The following CPE variants were observed in gnomAD, a reference collection of about 807,000 sequenced individuals.
CPE encodes the protein carbocypeptidase E.
A neutral mutation model predicts 53.5 loss-of-function variants in CPE; 17 were observed. That is an observed-to-expected ratio of 0.32 (90% CI 0.22 to 0.48). The LOEUF (loss-of-function observed/expected upper bound fraction) is 0.48, where lower values mean the gene tolerates loss of function less well. Ranked by LOEUF, CPE falls within the 20% of genes least tolerant of loss-of-function variation. CPE has a pLI of 0.99. For missense variants in CPE, 524 were observed against 614.7 expected, an observed-to-expected ratio of 0.85 and a Z score of 1.56; for synonymous variants, 226 against 228.8, an observed-to-expected ratio of 0.99 and a Z score of 0.11.
chr4:165,458,176 C>A (rs1731934761), intron 1 of CPE, among the ~76,000 whole-genome samples: 1 of 152,142 alleles, frequency 6.6e-6, no homozygotes, highest in South Asian at 2.1e-4. Context: ...TTCCAACTTG[C>A]TTGTATAGCA....
Position 165,484,544 on chromosome 4 carries a change from G to C in CPE, c.913G>C (p.Asp305His). 2 of 1,614,144 alleles carry C rather than the reference G, an allele frequency of 1.2e-6. No individual in the cohort carries two copies. Among genetic ancestry groups the C allele is most frequent in the Admixed American group, 1.7e-5 (1 of 60,028 alleles). Residue 305 changes from aspartate to histidine, a missense_variant, in exon 5 of 9, where the codon GAT (aspartate) becomes CAT (histidine). Physicochemically the swap from Asp to His is moderately conservative, Grantham distance 81. Transcript: ENST00000402744. ...TCGGCCACCATGTCGCAAGAATGATGATGACAGCAGCTTTGTAGATGGAAC... is the reference window on the plus strand; with the variant it reads ...TCGGCCACCATGTCGCAAGAATGATCATGACAGCAGCTTTGTAGATGGAAC... Reference protein sequence around the residue: ...PNRPPCRKNDDDSSFVDGTTN... With the variant: ...PNRPPCRKNDHDSSFVDGTTN...
At chr4:165,470,630 C>T (rs1172955286) in intron 3 of CPE, among the ~76,000 whole-genome samples, 2 of 152,102 alleles carry the variant, frequency 1.3e-5, no homozygotes, top group Admixed American at 6.6e-5. Flanking sequence ...GTTTAACAAC[C>T]GCTTGACCAT....
intron 1 of CPE, among the ~76,000 whole-genome samples, chr4:165,406,520 T>G (rs1730957464): frequency 6.6e-6 from 1 of 152,228 alleles, no homozygotes; most frequent in African/African-American, 2.4e-5. Context: ...CTAAAACTTG[T>G]CTCTTTTATT....
intron 1 of CPE, among the ~76,000 whole-genome samples, chr4:165,435,727 A>G (rs116805168): frequency 0.01 from 1,552 of 152,232 alleles, 22 homozygotes; most frequent in African/African-American, 0.035. Context: ...TATTTACTTT[A>G]TGTTTCTTGT....
chr4:165,487,816 G>A (rs35462844), intron 6 of CPE, among the ~76,000 whole-genome samples: 27,328 of 151,872 alleles, frequency 0.18, 2,865 homozygotes, highest in Non-Finnish European at 0.23. Flanking sequence ...GTAGACTCTC[G>A]TTTCTGTTTG....
chr4:165,461,888 T>C (rs1372260244), intron 1 of CPE, among the ~76,000 whole-genome samples: 1 of 152,232 alleles, frequency 6.6e-6, no homozygotes, highest in Non-Finnish European at 1.5e-5. Flanking sequence ...ATCTAAGTTA[T>C]TCCTGAGGAC....
intron 5 of CPE, among the ~76,000 whole-genome samples, chr4:165,485,145 T>C (rs1379134435): frequency 6.6e-6 from 1 of 152,206 alleles, no homozygotes; most frequent in Non-Finnish European, 1.5e-5. Context: ...AAGGAAGCAG[T>C]TGCCATGTGG....
chr4:165,397,963 G>A (rs1730797903), intron 1 of CPE, among the ~76,000 whole-genome samples: 1 of 149,402 alleles, frequency 6.7e-6, no homozygotes, highest in African/African-American at 2.5e-5. Flanking sequence ...GAGGTGGGAG[G>A]ATTGCTTGAG....
intron 1 of CPE, chr4:165,404,366 T>G: frequency 1.3e-6 from 1 of 769,440 alleles, no homozygotes; most frequent in Non-Finnish European, 2.4e-6. Flanking sequence ...GACTTCAGAC[T>G]TAGGAGGCAT....
intron 8 of CPE, among the ~76,000 whole-genome samples, chr4:165,497,067 G>A (rs1253477821): frequency 3.3e-5 from 5 of 151,982 alleles, no homozygotes; most frequent in South Asian, 2.1e-4. Context: ...GGATTACAGC[G>A]TGCGCCACCG....
At chr4:165,491,604 A>G (rs1056351865) in intron 6 of CPE, among the ~76,000 whole-genome samples, 38 of 152,196 alleles carry the variant, frequency 2.5e-4, no homozygotes, top group Non-Finnish European at 5.1e-4. Flanking sequence ...AGAATTGAAT[A>G]AATCTTAAAT....
intron 3 of CPE, among the ~76,000 whole-genome samples, chr4:165,469,234 G>A (rs1205704499): frequency 6.6e-6 from 1 of 152,150 alleles, no homozygotes; most frequent in Non-Finnish European, 1.5e-5. Flanking sequence ...CCATCTTGGA[G>A]GAAAGGTGAA....
At chr4:165,485,659 T>G (rs1732494714) in intron 5 of CPE, among the ~76,000 whole-genome samples, 1 of 152,178 alleles carries the variant, frequency 6.6e-6, no homozygotes, top group African/African-American at 2.4e-5. Context: ...GAATTCCTTT[T>G]TGAACAAATA....
At chr4:165,491,372 C>G (rs1429316432) in intron 6 of CPE, among the ~76,000 whole-genome samples, 2 of 152,170 alleles carry the variant, frequency 1.3e-5, no homozygotes. Flanking sequence ...GGTAAAGCCT[C>G]TTTTATCAGC....
intron 1 of CPE, among the ~76,000 whole-genome samples, chr4:165,440,866 C>T (rs1388627128): frequency 6.9e-6 from 1 of 144,782 alleles, no homozygotes; most frequent in Non-Finnish European, 1.5e-5. Context: ...TGGTGTGCTC[C>T]TTCTTTCATG....
At chr4:165,400,835 C>T (rs973507022) in intron 1 of CPE, among the ~76,000 whole-genome samples, 4 of 152,208 alleles carry the variant, frequency 2.6e-5, no homozygotes, top group African/African-American at 9.7e-5. Context: ...TTACTCTCTT[C>T]ATATGGTTCT....
intron 1 of CPE, among the ~76,000 whole-genome samples, chr4:165,456,739 A>T (rs1306009483): frequency 9.9e-6 from 1 of 101,196 alleles, no homozygotes; most frequent in African/African-American, 4.2e-5. Flanking sequence ...TGCCCAGCTA[A>T]TTTTTTTTTT....
rs576655698 is a variant in CPE, at chr4:165,498,306, T to TAAA, written c.*703_*705dup. Reference sequence around the variant, plus strand: ...AATTGCATTCTGAATGAATAAAGGTTAAAAAAAAATCCCCAGTGCATGTAT... The same window carrying TAAA: ...AATTGCATTCTGAATGAATAAAGGTTAAAAAAAAAAAATCCCCAGTGCATGTAT... On this transcript the variant is annotated 3_prime_UTR_variant, in exon 9 of 9. Coordinates refer to ENST00000402744, the MANE Select transcript of CPE (RefSeq NM_001873.4). The TAAA allele has an allele frequency of 6.6e-6, 1 of 151,626 alleles. No homozygotes were observed. The highest frequency in any genetic ancestry group is 6.6e-5 in the Admixed American group (1 of 15,220). The allele number at this position is 151,626 out of a possible 1,614,324, so 9.4% of individuals were successfully genotyped here.
At chr4:165,482,556 A>G (rs1169497837) in intron 4 of CPE, among the ~76,000 whole-genome samples, 197 bp downstream of exon 4, 1 of 152,196 alleles carries the variant, frequency 6.6e-6, no homozygotes, top group East Asian at 1.9e-4. Flanking sequence ...AAAAGGACTC[A>G]CTTTTTCAAT....
Sources: allele counts gnomAD v4.1 joint callset (sites outside exome capture counted in the v4.1 genomes callset), GRCh38; gene constraint gnomAD v4.1.1; transcripts MANE v1.5; gene names NCBI Gene and HGNC (gene_info 2026-07-23, HGNC 2026-07-21).